The following SEC23A variants were observed in gnomAD, a reference collection of about 807,000 sequenced individuals.
SEC23A encodes the protein protein transport protein Sec23A.
SEC23A carries 56 observed loss-of-function variants against 103.7 expected under a neutral mutation model. That is an observed-to-expected ratio of 0.54 (90% CI 0.44 to 0.67). The LOEUF (loss-of-function observed/expected upper bound fraction) is 0.67. Ranked by LOEUF, SEC23A falls within the 30% of genes least tolerant of loss-of-function variation. The pLI is 0.00. For synonymous variants in SEC23A, 281 were observed against 293.0 expected (o/e 0.96, Z 0.42); for missense variants, 784 against 936.4 (o/e 0.84, Z 2.12).
chr14:39,052,370 AAG>A (rs2139207091), intron 14 of SEC23A, among the ~76,000 whole-genome samples: 1 of 152,328 alleles, frequency 6.6e-6, no homozygotes, highest in South Asian at 2.1e-4. Flanking sequence ...AAAGATATAA[AAG>A]AGAACAATTC....
chr14:39,102,077 C>G (rs1284072522), intron 1 of SEC23A, among the ~76,000 whole-genome samples: 1 of 152,062 alleles, frequency 6.6e-6, no homozygotes, highest in Non-Finnish European at 1.5e-5. Context: ...ACTAAAGATA[C>G]AAAAATTAGC....
intron 14 of SEC23A, 135 bp downstream of exon 14, chr14:39,055,008 C>T: frequency 1.0e-6 from 1 of 962,934 alleles, no homozygotes; most frequent in Non-Finnish European, 1.6e-6. Flanking sequence ...GCTACTGTCT[C>T]AGTAATTTGA....
intron 9 of SEC23A, among the ~76,000 whole-genome samples, chr14:39,072,725 G>A (rs1173683661): frequency 2.0e-5 from 3 of 152,078 alleles, no homozygotes; most frequent in African/African-American, 7.2e-5. Flanking sequence ...GAGGTGAGAG[G>A]ATTGCTTGAG....
intron 7 of SEC23A, among the ~76,000 whole-genome samples, chr14:39,082,125 G>A (rs77615330): frequency 0.012 from 1,796 of 152,146 alleles, 15 homozygotes; most frequent in Non-Finnish European, 0.019. Context: ...GCTCCCACTA[G>A]CCAAATCGGG....
chr14:39,091,230 TAAAATACTGTTGGTTTGACTTTAA>T, intron 5 of SEC23A: 2 of 517,572 alleles, frequency 3.9e-6, no homozygotes, highest in East Asian at 7.1e-5. Context: ...AAATCTCTAG[TAAAATACTGTTGGTTTGACTTTAA>T]ATTTTAAAGA....
In SEC23A at chr14:39,061,802, C is replaced by A; in HGVS notation, c.1468G>T (p.Gly490Trp). The change falls in exon 13 of 20, where the codon GGG (glycine) becomes TGG (tryptophan). Residue 490 changes from glycine to tryptophan, a missense_variant. Around this residue, in one of 2 missense-constraint regions of SEC23A, gnomAD observed 683 missense variants for 774.2 expected, o/e 0.88. Coordinates refer to ENST00000307712, the MANE Select transcript of SEC23A (RefSeq NM_006364.4). ...GTGGTCACTCGGATGCGTCTCTGCC[C>A]ACTTGAATGCTGATACTGAGTCACA... is the stretch of plus-strand genomic sequence containing the variant. Reference protein sequence around the residue: ...QFVTQYQHSSGQRRIRVTTIA... With the variant: ...QFVTQYQHSSWQRRIRVTTIA... 1 of 1,613,782 alleles carries A rather than the reference C, an allele frequency of 6.2e-7. No homozygotes were observed. Among genetic ancestry groups the A allele is most frequent in the Non-Finnish European group, 8.5e-7 (1 of 1,179,698 alleles).
chr14:39,070,976 G>A (rs1277232695), intron 9 of SEC23A, among the ~76,000 whole-genome samples: 6 of 151,944 alleles, frequency 3.9e-5, no homozygotes, highest in African/African-American at 1.2e-4. Context: ...GCAGTGAGCC[G>A]AGATCGTGCC....
chr14:39,062,455 A>G (rs573298204), intron 12 of SEC23A, among the ~76,000 whole-genome samples: 6 of 152,244 alleles, frequency 3.9e-5, no homozygotes, highest in African/African-American at 1.4e-4. Context: ...ATAAACAGAA[A>G]TTGAGCTAAG....
chr14:39,061,943 G>A lies in SEC23A; in HGVS notation c.1399-72C>T. The A allele has an allele frequency of 1.0e-5, 9 of 899,994 alleles. No homozygotes were observed. In the Admixed American group the frequency reaches 1.2e-4, roughly 12 times the overall value. The allele number at this position is 899,994 out of a possible 1,614,324, so 55.8% of individuals were successfully genotyped here. On this transcript the variant is annotated intron_variant, in intron 12 of 19. Coordinates refer to ENST00000307712, the MANE Select transcript of SEC23A (RefSeq NM_006364.4). ...GTTGTCATATAATCACAGGCTACAT[G>A]TCCTAGCACTAAAAATAATTCATTC...
intron 2 of SEC23A, chr14:39,095,019 T>C (rs1436068850): frequency 5.7e-6 from 4 of 699,348 alleles, no homozygotes; most frequent in South Asian, 4.5e-5. Flanking sequence ...AACAGACTGC[T>C]GAAAGACAAG....
intron 7 of SEC23A, among the ~76,000 whole-genome samples, chr14:39,082,280 G>A (rs558646035): frequency 1.3e-5 from 2 of 151,190 alleles, no homozygotes; most frequent in Admixed American, 6.6e-5. Context: ...ATATAAATAC[G>A]TAAATGGGAG....
chr14:39,040,522 G>C, intron 18 of SEC23A: 1 of 604,982 alleles, frequency 1.7e-6, no homozygotes, highest in Non-Finnish European at 2.9e-6. Context: ...GAAGATGATG[G>C]AAAGTGCCAG....
intron 1 of SEC23A, among the ~76,000 whole-genome samples, chr14:39,101,360 C>T (rs1477192171): frequency 6.6e-6 from 1 of 151,954 alleles, no homozygotes; most frequent in Non-Finnish European, 1.5e-5. Context: ...TGGCTCACAC[C>T]TGTAATCCCA....
At chr14:39,062,475 C>A (rs1168247660) in intron 12 of SEC23A, among the ~76,000 whole-genome samples, 1 of 151,976 alleles carries the variant, frequency 6.6e-6, no homozygotes, top group South Asian at 2.1e-4. Flanking sequence ...GTCCTCCTCC[C>A]CTAGGTATAG....
chr14:39,096,198 A>G, intron 1 of SEC23A, 59 bp from the exon 2 acceptor site: 5 of 1,142,624 alleles, frequency 4.4e-6, no homozygotes, highest in Non-Finnish European at 5.2e-6. Flanking sequence ...CGTTCAAAAT[A>G]TGAATGTTCT....
At chr14:39,038,039 A>C (rs928253615) in intron 19 of SEC23A, among the ~76,000 whole-genome samples, 2 of 152,154 alleles carry the variant, frequency 1.3e-5, no homozygotes, top group African/African-American at 4.8e-5. Context: ...TACCAAATAA[A>C]TACTCAACTT....
At chr14:39,072,455 G>T (rs187365850) in intron 9 of SEC23A, among the ~76,000 whole-genome samples, 1 of 152,196 alleles carries the variant, frequency 6.6e-6, no homozygotes, top group East Asian at 1.9e-4. Flanking sequence ...AGTCTTCAGG[G>T]AAATGCAAAT....
At chr14:39,066,850 A>C (rs1348343550) in intron 10 of SEC23A, among the ~76,000 whole-genome samples, 1 of 152,140 alleles carries the variant, frequency 6.6e-6, no homozygotes, top group Non-Finnish European at 1.5e-5. Context: ...GCGACAGAGG[A>C]AGACTCTGTC....
At position 39,040,603 on chromosome 14, in the gene SEC23A, C is replaced by T. The variant is rs997071899; in HGVS notation, c.2142+129G>A. 321 of 1,189,632 alleles carry T rather than the reference C, an allele frequency of 2.7e-4. 1 individual carries two copies. The highest frequency in any genetic ancestry group is 3.7e-4 in the Non-Finnish European group (295 of 803,904). The allele number at this position is 1,189,632 out of a possible 1,614,324, so 73.7% of individuals were successfully genotyped here. On this transcript the variant is annotated intron_variant, in intron 18 of 19. Coordinates refer to ENST00000307712, the MANE Select transcript of SEC23A (RefSeq NM_006364.4). The stretch of plus-strand genomic sequence containing the variant: ...TAATGCAAAAAGTAAGCACTGATAC[C>T]TTCCCCACCTATCTCCTTACCTTTC...
Sources: gnomAD v4.1 joint callset for allele counts (sites outside exome capture counted in the v4.1 genomes callset) on GRCh38, gnomAD v4.1.1 for gene constraint, gnomAD v4.1.1 regional missense constraint, MANE v1.5 for transcripts, NCBI Gene and HGNC (gene_info 2026-07-23, HGNC 2026-07-21) for gene names.